The following OTOA variants were observed in gnomAD, a reference collection of about 807,000 sequenced individuals.
OTOA encodes cancer/testis antigen 108.
OTOA carries 70 observed loss-of-function variants against 110.8 expected under a neutral mutation model. The ratio of observed to expected loss-of-function variants is 0.63; its 90% CI spans 0.52 to 0.77. OTOA has a LOEUF of 0.77. OTOA is among the 30% of genes least tolerant of loss of function. The pLI is 0.00. For synonymous variants in OTOA, 373 were observed against 431.5 expected, an observed-to-expected ratio of 0.86 and a Z score of 1.68; for missense variants, 917 against 1,075.8, an observed-to-expected ratio of 0.85 and a Z score of 2.06.
At chr16:21,759,609 G>A (rs1300853061) in intron 28 of OTOA, among the ~76,000 whole-genome samples, 1 of 151,942 alleles carries the variant, frequency 6.6e-6, no homozygotes, top group Non-Finnish European at 1.5e-5. Context: ...TTATAATTTT[G>A]ATGGATGTTG....
chr16:21,666,568 C>T (rs952008553), intron 1 of OTOA, among the ~76,000 whole-genome samples: 2 of 152,132 alleles, frequency 1.3e-5, no homozygotes, highest in Non-Finnish European at 2.9e-5. Flanking sequence ...GAAAGTTGAT[C>T]ACCTTGCACA....
At chr16:21,696,548 A>G (rs1227438484) in intron 9 of OTOA, among the ~76,000 whole-genome samples, 1 of 152,046 alleles carries the variant, frequency 6.6e-6, no homozygotes, top group East Asian at 1.9e-4. Flanking sequence ...ACAGTCAAAC[A>G]TATTTCATGT....
chr16:21,678,975 C>T, intron 3 of OTOA, 32 bp downstream of exon 3: 1 of 1,613,698 alleles, frequency 6.2e-7, no homozygotes, highest in Non-Finnish European at 8.5e-7. Context: ...AATCAGAGTC[C>T]CCTCTACTGG....
chr16:21,713,645 G>A (rs1898425747), intron 13 of OTOA, among the ~76,000 whole-genome samples: 1 of 152,176 alleles, frequency 6.6e-6, no homozygotes, highest in Non-Finnish European at 1.5e-5. Flanking sequence ...CCACGTGAAA[G>A]TTACGCAGCT....
At chr16:21,679,088 C>T in intron 4 of OTOA, 22 bp downstream of exon 4, 1 of 1,613,688 alleles carries the variant, frequency 6.2e-7, no homozygotes, top group Non-Finnish European at 8.5e-7. Context: ...CCTTGATCTC[C>T]ACTTGCTTCT....
chr16:21,722,128 G>C (rs952093662), intron 17 of OTOA, among the ~76,000 whole-genome samples: 2 of 150,918 alleles, frequency 1.3e-5, no homozygotes, highest in Admixed American at 6.6e-5. Flanking sequence ...CGTGCATGGT[G>C]GGGGGTGCCT....
chr16:21,682,165 C>T (rs900974521), intron 6 of OTOA, among the ~76,000 whole-genome samples: 1 of 152,162 alleles, frequency 6.6e-6, no homozygotes, highest in Non-Finnish European at 1.5e-5. Context: ...CAGCTCTATT[C>T]CATGAGGTTA....
At chr16:21,755,429 C>T (rs1452675371) in intron 27 of OTOA, among the ~76,000 whole-genome samples, 2 of 96,320 alleles carry the variant, frequency 2.1e-5, no homozygotes, top group Admixed American at 2.1e-4. Flanking sequence ...CAAAAAAGTA[C>T]CTCTCTGACC....
Position 21,685,222 on chromosome 16 carries a change from A to G in OTOA, c.268-8A>G. 6.2e-7 allele frequency: 1 copy of G among 1,611,294 alleles called. No homozygotes were observed. The highest frequency in any genetic ancestry group is 8.5e-7 in the Non-Finnish European group (1 of 1,178,306). ...TTCTCACCGACTCTCCCAACACCCC[A>G]AATACAGGCAGCCGTGGAAAACCAC... On this transcript the variant is annotated splice_region_variant and splice_polypyrimidine_tract_variant and intron_variant, in intron 6 of 28. Coordinates refer to ENST00000646100, the MANE Select transcript of OTOA (RefSeq NM_144672.4).
At chr16:21,710,284 G>A (rs746755530) in intron 13 of OTOA, among the ~76,000 whole-genome samples, 181 bp downstream of exon 13, 9 of 152,156 alleles carry the variant, frequency 5.9e-5, no homozygotes, top group Non-Finnish European at 2.9e-5. Flanking sequence ...GTTTCATTCT[G>A]AGGCCTCTTC....
chr16:21,671,586 C>CAAAA (rs369010025), intron 1 of OTOA, among the ~76,000 whole-genome samples: 1 of 78,514 alleles, frequency 1.3e-5, no homozygotes, highest in Non-Finnish European at 2.6e-5. Context: ...GACTCCATAT[C>CAAAA]AAAAAAAAAA....
At chr16:21,688,282 G>A (rs1486485132) in intron 8 of OTOA, among the ~76,000 whole-genome samples, 3 of 152,020 alleles carry the variant, frequency 2.0e-5, no homozygotes, top group Non-Finnish European at 4.4e-5. Flanking sequence ...CAGCTACTTG[G>A]GAGGCTTGAG....
chr16:21,721,549 A>G (rs778240493), intron 17 of OTOA: 1 of 450,498 alleles, frequency 2.2e-6, no homozygotes, highest in South Asian at 1.6e-5. Flanking sequence ...TTTCAGAGGT[A>G]ACTATAAAGA....
chr16:21,746,586 TTGGAGA>T (rs1357465377), intron 24 of OTOA, among the ~76,000 whole-genome samples: 1 of 94,354 alleles, frequency 1.1e-5, no homozygotes, highest in Non-Finnish European at 2.3e-5. Context: ...GCTGCTGATT[TTGGAGA>T]TGGAGGATGG....
chr16:21,698,470 G>A (rs1299168600), intron 10 of OTOA, among the ~76,000 whole-genome samples: 3 of 152,084 alleles, frequency 2.0e-5, no homozygotes, highest in East Asian at 3.8e-4. Flanking sequence ...TCTTGAATGC[G>A]GTCTCCAAAG....
At chr16:21,704,573 T>C (rs1898116114) in intron 11 of OTOA, among the ~76,000 whole-genome samples, 1 of 152,140 alleles carries the variant, frequency 6.6e-6, no homozygotes, top group Admixed American at 6.6e-5. Context: ...TGGTAGCTGC[T>C]ATTAATATAA....
rs1369585363 is a variant in OTOA, at chr16:21,674,148, C to A, written c.-4-4363C>A. Among the ~76,000 whole-genome samples the A allele has an allele frequency of 2.0e-5, 3 of 151,682 alleles. No individual in the cohort carries two copies. The East Asian group carries it at 5.8e-4, about 29-fold the overall frequency. On this transcript the variant is annotated intron_variant, in intron 1 of 28. Transcript: ENST00000646100. ...AATTTTCATTTTTCTGGGATAAATGCCCAAGAGTGTAATTGTTGGGCTGTA... is the reference window on the plus strand; with the variant it reads ...AATTTTCATTTTTCTGGGATAAATGACCAAGAGTGTAATTGTTGGGCTGTA...
At chr16:21,712,242 A>G (rs1309055134) in intron 13 of OTOA, among the ~76,000 whole-genome samples, 1 of 152,032 alleles carries the variant, frequency 6.6e-6, no homozygotes, top group African/African-American at 2.4e-5. Context: ...CAGAAGAATT[A>G]CTTGAACCCA....
At chr16:21,725,348 G>C (rs576349932) in intron 18 of OTOA, among the ~76,000 whole-genome samples, 1 of 152,176 alleles carries the variant, frequency 6.6e-6, no homozygotes, top group Non-Finnish European at 1.5e-5. Flanking sequence ...GCAGTGGTGC[G>C]ATCTCAGCTC....
Sources: gnomAD v4.1 joint callset for allele counts (sites outside exome capture counted in the v4.1 genomes callset) on GRCh38, gnomAD v4.1.1 for gene constraint, MANE v1.5 for transcripts, NCBI Gene and HGNC (gene_info 2026-07-23, HGNC 2026-07-21) for gene names.